UTRN: variants seen among roughly 807,000 people sequenced by gnomAD.
The protein encoded by UTRN is utrophin, also known as dystrophin-related protein 1.
In UTRN, 283 loss-of-function variants were observed where a neutral mutation model predicts 463.9. The ratio of observed to expected loss-of-function variants is 0.61; its 90% CI spans 0.55 to 0.67. UTRN has a LOEUF of 0.67. UTRN is among the 30% of genes least tolerant of loss of function. The pLI is 0.00. For synonymous variants in UTRN, 1,442 were observed against 1,431.5 expected, an observed-to-expected ratio of 1.01 and a Z score of -0.17; for missense variants, 3,922 against 4,084.3, an observed-to-expected ratio of 0.96 and a Z score of 1.08.
At chr6:144,681,466 A>G (rs962257337) in intron 52 of UTRN, among the ~76,000 whole-genome samples, 4 of 152,180 alleles carry the variant, frequency 2.6e-5, no homozygotes, top group African/African-American at 9.7e-5. Flanking sequence ...AAAGAAGTGC[A>G]TAAGTAATGG....
intron 58 of UTRN, among the ~76,000 whole-genome samples, chr6:144,759,106 TAATA>T (rs1323544889): frequency 6.6e-6 from 1 of 152,074 alleles, no homozygotes; most frequent in African/African-American, 2.4e-5. Context: ...GCATAATATA[TAATA>T]AATATAATAA....
chr6:144,817,427 A>G (rs1208228482), intron 65 of UTRN, among the ~76,000 whole-genome samples: 1 of 152,200 alleles, frequency 6.6e-6, no homozygotes, highest in East Asian at 1.9e-4. Flanking sequence ...TTCCTTAAAA[A>G]AAAGAAAAAT....
intron 60 of UTRN, 63 bp from the exon 61 acceptor site, chr6:144,781,859 A>G (rs1775858614): frequency 3.2e-6 from 4 of 1,248,316 alleles, no homozygotes; most frequent in Middle Eastern, 4.1e-4. Flanking sequence ...CTTTGTTGTG[A>G]TGTTGTTATG....
chr6:144,387,120 C>T (rs1028140520), intron 2 of UTRN, among the ~76,000 whole-genome samples: 3 of 152,010 alleles, frequency 2.0e-5, no homozygotes, highest in African/African-American at 7.2e-5. Context: ...CCTTAATCTT[C>T]TATTTTTTTC....
At chr6:144,757,882 G>T in intron 57 of UTRN, 47 bp from the exon 58 acceptor site, 1 of 1,571,080 alleles carries the variant, frequency 6.4e-7, no homozygotes, top group Non-Finnish European at 8.7e-7. Context: ...AAGGTGTAAG[G>T]CTTTTTGGTT....
intron 66 of UTRN, among the ~76,000 whole-genome samples, chr6:144,822,013 GT>G (rs1295514392): frequency 1.3e-5 from 2 of 152,056 alleles, no homozygotes; most frequent in South Asian, 2.1e-4. Flanking sequence ...AGAGAAAATT[GT>G]AGTAAGAAGT....
rs543976791 is a variant in UTRN at position 144,550,871 on chromosome 6, A to G, written c.6811-94A>G. Reference sequence around the variant, plus strand: ...CTTCACTATGCCATAGAGGAGGAAAACAACGACAACTTTGATGTCAGCACA... The same window carrying G: ...CTTCACTATGCCATAGAGGAGGAAAGCAACGACAACTTTGATGTCAGCACA... On this transcript the variant is annotated intron_variant, in intron 47 of 74. Coordinates refer to ENST00000367545, the MANE Select transcript of UTRN (RefSeq NM_007124.3). 18 of 1,120,052 alleles carry G rather than the reference A, an allele frequency of 1.6e-5. No homozygotes were observed. In the East Asian group the frequency reaches 4.0e-4, roughly 25 times the overall value. The allele number at this position is 1,120,052 out of a possible 1,614,324, so 69.4% of individuals were successfully genotyped here. A position where few individuals can be genotyped will look rare whatever the true frequency, so the allele number is the denominator to read the frequency against.
chr6:144,398,398 G>A, intron 2 of UTRN: 1 of 381,120 alleles, frequency 2.6e-6, no homozygotes, highest in South Asian at 2.4e-5. Context: ...ATCTGGCTGG[G>A]ATTCTTCTTG....
At chr6:144,753,819 A>G (rs929005278) in intron 56 of UTRN, among the ~76,000 whole-genome samples, 14 of 144,238 alleles carry the variant, frequency 9.7e-5, no homozygotes, top group Non-Finnish European at 1.8e-4. Flanking sequence ...GTAAGCCATA[A>G]TCGTGCCACT....
At chr6:144,585,184 G>C (rs1178508762) in intron 51 of UTRN, among the ~76,000 whole-genome samples, 3 of 152,030 alleles carry the variant, frequency 2.0e-5, no homozygotes, top group African/African-American at 7.2e-5. Flanking sequence ...TGAAGTCATT[G>C]GATAAATTAC....
chr6:144,549,190 C>T (rs1798684852), intron 47 of UTRN, among the ~76,000 whole-genome samples: 1 of 152,152 alleles, frequency 6.6e-6, no homozygotes, highest in Admixed American at 6.5e-5. Context: ...TCCTAAAGTG[C>T]CTTTGCAACT....
At chr6:144,441,296 T>C (rs1787132903) in intron 13 of UTRN, among the ~76,000 whole-genome samples, 1 of 152,162 alleles carries the variant, frequency 6.6e-6, no homozygotes, top group Admixed American at 6.5e-5. Context: ...GTTAGTTACT[T>C]CCTAGCTACA....
intron 12 of UTRN, 44 bp downstream of exon 12, chr6:144,438,939 A>G (rs1786856834): frequency 6.3e-7 from 1 of 1,598,898 alleles, no homozygotes; most frequent in Admixed American, 1.7e-5. Context: ...CAAATATGAA[A>G]GAGCAGCACT....
chr6:144,523,074 A>G lies in UTRN; in HGVS notation c.5792A>G (p.Gln1931Arg). The change falls in exon 41 of 75, where the codon CAG (glutamine) becomes CGG (arginine). Residue 1931 changes from glutamine to arginine, a missense_variant. Physicochemically the swap from Gln to Arg is conservative, Grantham distance 43. This residue lies in a region of UTRN where 2,349 missense variants were observed against 2,303.8 expected (regional missense o/e 1.02). Transcript: ENST00000367545. ...GEQIAVIHEK[Q>R]PDVILEASGP... is the part of the protein sequence containing the mutation. Reference sequence around the variant, plus strand: ...CAGATTGCAGTCATTCATGAAAAACAGCCAGATGTCATCCTTGAAGCCTCT... The same window carrying G: ...CAGATTGCAGTCATTCATGAAAAACGGCCAGATGTCATCCTTGAAGCCTCT... The G allele has an allele frequency of 6.2e-7, 1 of 1,613,438 alleles. No homozygotes were observed. Among genetic ancestry groups the G allele is most frequent in the African/African-American group, 1.3e-5 (1 of 75,022 alleles).
intron 3 of UTRN, among the ~76,000 whole-genome samples, chr6:144,410,827 C>A (rs1026497781): frequency 6.9e-6 from 1 of 145,670 alleles, no homozygotes; most frequent in Admixed American, 6.8e-5. Flanking sequence ...TGTGTATATA[C>A]ACACCACAAT....
At chr6:144,453,517 G>T (rs550631005) in intron 18 of UTRN, among the ~76,000 whole-genome samples, 1 of 152,252 alleles carries the variant, frequency 6.6e-6, no homozygotes, top group East Asian at 1.9e-4. Context: ...ATGGCATGGC[G>T]TACTCAGGGT....
chr6:144,635,514 C>CT (rs1402815648), intron 51 of UTRN, among the ~76,000 whole-genome samples: 28,417 of 81,014 alleles, frequency 0.35, 5,128 homozygotes, highest in Non-Finnish European at 0.44. Context: ...CTTTTTTTTT[C>CT]TTTTTTTTTT....
intron 50 of UTRN, 113 bp downstream of exon 50, chr6:144,557,424 A>T: frequency 1.0e-6 from 1 of 957,116 alleles, no homozygotes; most frequent in Non-Finnish European, 1.4e-6. Context: ...ACATTTTATT[A>T]TTATGTATTT....
intron 3 of UTRN, among the ~76,000 whole-genome samples, chr6:144,418,548 TTTG>T (rs755613354): frequency 6.8e-6 from 1 of 147,444 alleles, no homozygotes; most frequent in East Asian, 1.9e-4. Flanking sequence ...TAATGCTGTT[TTTG>T]TTGTTGTTGT....
Sources: allele counts gnomAD v4.1 joint callset (sites outside exome capture counted in the v4.1 genomes callset), GRCh38; gene constraint gnomAD v4.1.1; regional missense constraint gnomAD v4.1.1; transcripts MANE v1.5; gene names NCBI Gene and HGNC (gene_info 2026-07-23, HGNC 2026-07-21).